The following ABLIM3 variants were observed in gnomAD, a reference collection of about 807,000 sequenced individuals.
ABLIM3 encodes actin-binding LIM protein 3.
ABLIM3 carries 61 observed loss-of-function variants against 109.5 expected under a neutral mutation model. That is an observed-to-expected ratio of 0.56 (90% CI 0.45 to 0.69). ABLIM3 has a LOEUF of 0.69. ABLIM3 is among the 30% of genes least tolerant of loss of function. ABLIM3 has a pLI of 0.00. For synonymous variants in ABLIM3, 300 were observed against 324.8 expected (o/e 0.92, Z 0.82); for missense variants, 796 against 889.5 (o/e 0.89, Z 1.34).
In ABLIM3 at chr5:149,198,510, C is replaced by G. The variant is rs188580624; in HGVS notation, c.335+108C>G. On this transcript the variant is annotated intron_variant, in intron 4 of 23. Transcript: ENST00000309868. The surrounding 1 kb of genome is among the most constrained non-coding windows in gnomAD (Gnocchi z 4.2). ...TGGGGTTTACAAGGTTTGTGCTGCA[C>G]ATTTAGATTTCTGGAACCTCAGGTG... The G allele has an allele frequency of 2.6e-3, 3,572 of 1,348,100 alleles. 2 individuals carry two copies. The highest frequency in any genetic ancestry group is 3.3e-3 in the Non-Finnish European group (3,302 of 1,009,870). The allele number at this position is 1,348,100 out of a possible 1,614,324, so 83.5% of individuals were successfully genotyped here.
rs780915791 is a variant in ABLIM3 at position 149,247,675 on chromosome 5, G to C, written c.1552-107G>C. The C allele has an allele frequency of 2.7e-4, 393 of 1,435,852 alleles. 3 individuals carry two copies. The highest frequency in any genetic ancestry group is 4.9e-5 in the Non-Finnish European group (51 of 1,030,770). 88.9% of individuals were successfully genotyped at this position (1,435,852 alleles called of 1,614,324 possible). Reference sequence around the variant, plus strand: ...AGGGACGCTGGGAAGGCAAACATGAGAGCAGGCTGCTATGGAGGATGTGAT... The same window carrying C: ...AGGGACGCTGGGAAGGCAAACATGACAGCAGGCTGCTATGGAGGATGTGAT... On this transcript the variant is annotated intron_variant, in intron 17 of 23. Transcript: ENST00000309868.
chr5:149,203,866 G>A (rs1648004335), intron 5 of ABLIM3, among the ~76,000 whole-genome samples: 1 of 152,178 alleles, frequency 6.6e-6, no homozygotes, highest in African/African-American at 2.4e-5. Context: ...AACCCTATGA[G>A]GGAGATAAGA....
At chr5:149,232,048 G>A (rs1761916653) in intron 9 of ABLIM3, among the ~76,000 whole-genome samples, 1 of 152,216 alleles carries the variant, frequency 6.6e-6, no homozygotes, top group South Asian at 2.1e-4. Context: ...GCTCAAGTCT[G>A]TAATCCCAAC....
chr5:149,189,572 A>G (rs984997287), intron 3 of ABLIM3, among the ~76,000 whole-genome samples: 2 of 152,228 alleles, frequency 1.3e-5, no homozygotes, highest in African/African-American at 4.8e-5. Flanking sequence ...TATACAGAGA[A>G]GTTATACAAA....
Position 149,207,062 on chromosome 5 carries a change from A to G in ABLIM3, c.503A>G (p.Asp168Gly). The G allele has an allele frequency of 6.2e-7, 1 of 1,613,998 alleles. No homozygotes were observed. Among genetic ancestry groups the G allele is most frequent in the Non-Finnish European group, 8.5e-7 (1 of 1,179,968 alleles). ...CACGGCCAGTCACTCCTGGCTCTGG[A>G]CAAGCAGTGGCACGTCAGCTGCTTC... ...IKHGQSLLAL[D>G]KQWHVSCFKC... The change falls in exon 6 of 24, where the codon GAC (aspartate) becomes GGC (glycine). Residue 168 changes from aspartate to glycine, a missense_variant. Transcript: ENST00000309868.
intron 2 of ABLIM3, among the ~76,000 whole-genome samples, chr5:149,173,206 T>A (rs1469085519): frequency 6.6e-6 from 1 of 152,180 alleles, no homozygotes; most frequent in Non-Finnish European, 1.5e-5. Context: ...CATGGCGTGA[T>A]CACTTCCAAT....
chr5:149,167,677 A>C (rs1265498853), intron 2 of ABLIM3, among the ~76,000 whole-genome samples: 1 of 152,178 alleles, frequency 6.6e-6, no homozygotes, highest in East Asian at 1.9e-4. Context: ...CAGAATTAGG[A>C]CTAGAGAGAT....
At chr5:149,152,504 T>C (rs1269179176) in intron 2 of ABLIM3, among the ~76,000 whole-genome samples, 3 of 152,190 alleles carry the variant, frequency 2.0e-5, no homozygotes, top group Admixed American at 1.3e-4. Flanking sequence ...TCATATCCTG[T>C]TGGATACAGT....
intron 2 of ABLIM3, among the ~76,000 whole-genome samples, chr5:149,182,368 G>A (rs1450560054): frequency 6.6e-6 from 1 of 152,208 alleles, no homozygotes; most frequent in Non-Finnish European, 1.5e-5. Context: ...AACTTTGAGT[G>A]AGAATTGAAG....
At chr5:149,184,678 A>T (rs1756783640) in intron 3 of ABLIM3, among the ~76,000 whole-genome samples, 1 of 152,172 alleles carries the variant, frequency 6.6e-6, no homozygotes, top group Admixed American at 6.5e-5. Flanking sequence ...ACTGATATTG[A>T]ACTGACTTCC....
At chr5:149,233,383 T>C in intron 10 of ABLIM3, 83 bp downstream of exon 10, 1 of 1,397,892 alleles carries the variant, frequency 7.2e-7, no homozygotes, top group Non-Finnish European at 1.0e-6. Context: ...AAGGGAGCTC[T>C]CAAGTTTTCA....
At chr5:149,239,990 C>A in intron 13 of ABLIM3, 102 bp downstream of exon 13, 1 of 1,445,142 alleles carries the variant, frequency 6.9e-7, no homozygotes, top group East Asian at 2.7e-5. Flanking sequence ...CCATGATCTC[C>A]ATCACAGTGT....
chr5:149,181,386 A>G (rs1320165195), intron 2 of ABLIM3, among the ~76,000 whole-genome samples: 1 of 152,182 alleles, frequency 6.6e-6, no homozygotes, highest in Non-Finnish European at 1.5e-5. Flanking sequence ...GCAGTTTTTG[A>G]AATATTTTGC....
intron 3 of ABLIM3, among the ~76,000 whole-genome samples, chr5:149,186,978 T>C (rs1432114809): frequency 6.6e-6 from 1 of 152,108 alleles, no homozygotes; most frequent in African/African-American, 2.4e-5. Context: ...GCAGATTAGA[T>C]GTTGCTAAAG....
chr5:149,156,564 A>G (rs1193259970), intron 2 of ABLIM3, among the ~76,000 whole-genome samples: 1 of 152,260 alleles, frequency 6.6e-6, no homozygotes, highest in Admixed American at 6.5e-5. Flanking sequence ...AGGAAAGAAG[A>G]GTGGTATATA....
intron 3 of ABLIM3, among the ~76,000 whole-genome samples, chr5:149,186,792 C>G (rs1401975979): frequency 6.6e-6 from 1 of 151,902 alleles, no homozygotes; most frequent in Admixed American, 6.6e-5. Context: ...ATTGAAATTT[C>G]CTGTCATTAC....
At chr5:149,252,692 T>C (rs996514405) in intron 22 of ABLIM3, 65 bp from the exon 23 acceptor site, 27 of 1,232,116 alleles carry the variant, frequency 2.2e-5, no homozygotes, top group Non-Finnish European at 3.0e-5. Flanking sequence ...AGACACAAAA[T>C]GTACCTGAAA....
Position 149,239,285 on chromosome 5 carries a change from A to T in ABLIM3, c.1074+8A>T. The T allele has an allele frequency of 6.2e-7, 1 of 1,613,436 alleles. No homozygotes were observed. Among genetic ancestry groups the T allele is most frequent in the African/African-American group, 1.3e-5 (1 of 75,012 alleles). ...TTATCTCCCTACTCCCAGGTAATTC[A>T]GCTGATAGAGAATTAAGTTGATATA... On this transcript the variant is annotated splice_region_variant and intron_variant, in intron 12 of 23. Transcript: ENST00000309868.
chr5:149,145,483 C>T (rs1752825390), intron 2 of ABLIM3, among the ~76,000 whole-genome samples: 1 of 152,078 alleles, frequency 6.6e-6, no homozygotes, highest in South Asian at 2.1e-4. Flanking sequence ...GGCAGGATGA[C>T]TTATTTTCTT....
Sources: gnomAD v4.1 joint callset for allele counts (sites outside exome capture counted in the v4.1 genomes callset) on GRCh38, gnomAD v4.1.1 for gene constraint, Gnocchi (gnomAD v3.1) non-coding constraint, MANE v1.5 for transcripts, NCBI Gene and HGNC (gene_info 2026-07-23, HGNC 2026-07-21) for gene names.